The following PLAAT2 variants were observed in gnomAD, a reference collection of about 807,000 sequenced individuals.
PLAAT2 encodes the protein HRAS like suppressor 2.
Under a neutral mutation model 12.8 loss-of-function variants are expected in PLAAT2, and 12 were observed. The ratio of observed to expected loss-of-function variants is 0.94; its 90% CI spans 0.60 to 1.52. The LOEUF (loss-of-function observed/expected upper bound fraction) is 1.52. Ranked by LOEUF, PLAAT2 falls within the 40% of genes most tolerant of loss-of-function variation. The pLI, the probability that PLAAT2 is intolerant of heterozygous loss-of-function variation, is 0.00. For missense variants in PLAAT2, 166 were observed against 208.1 expected, an observed-to-expected ratio of 0.80 and a Z score of 1.24; for synonymous variants, 79 against 86.8, an observed-to-expected ratio of 0.91 and a Z score of 0.50.
intron 1 of PLAAT2, among the ~76,000 whole-genome samples, chr11:63,560,398 G>T (rs956666224): frequency 6.6e-6 from 1 of 152,236 alleles, no homozygotes; most frequent in Non-Finnish European, 1.5e-5. Flanking sequence ...CTCTTCAGGG[G>T]ACAAGGAGGA....
chr11:63,560,346 G>C (rs748431290), intron 1 of PLAAT2, among the ~76,000 whole-genome samples, 153 bp from the exon 2 acceptor site: 7 of 152,030 alleles, frequency 4.6e-5, no homozygotes, highest in Non-Finnish European at 1.0e-4. Flanking sequence ...CACATATGTA[G>C]GAAGCACCTT....
At chr11:63,556,801 G>A (rs1204052891) in intron 3 of PLAAT2, among the ~76,000 whole-genome samples, 2 of 152,194 alleles carry the variant, frequency 1.3e-5, no homozygotes, top group Non-Finnish European at 2.9e-5. Context: ...ACCAGTAAGG[G>A]AGGATTCAAG....
At chr11:63,555,589 G>A (rs2017459718) in intron 3 of PLAAT2, among the ~76,000 whole-genome samples, 1 of 152,282 alleles carries the variant, frequency 6.6e-6, no homozygotes, top group South Asian at 2.1e-4. Flanking sequence ...CTACTCAGGA[G>A]GCTGAGGTGG....
Position 63,552,786 on chromosome 11 carries a change from T to C in PLAAT2, c.*178A>G, listed in dbSNP as rs1463148202. 3.5e-6 allele frequency: 2 copies of C among 579,434 alleles called. No homozygotes were observed. The highest frequency in any genetic ancestry group is 3.7e-5 in the African/African-American group (2 of 53,358). The allele number at this position is 579,434 out of a possible 1,614,324, so 35.9% of individuals were successfully genotyped here. ...CAGTCCATAGCAGAGCCCAATTGTG[T>C]CTTTAATAGAATTCATACTAAGCTG... On this transcript the variant is annotated 3_prime_UTR_variant, in exon 4 of 4. Coordinates refer to ENST00000255695, the MANE Select transcript of PLAAT2 (RefSeq NM_017878.2).
Position 63,562,439 on chromosome 11 carries a change from G to A in PLAAT2, c.9+877C>T, listed in dbSNP as rs576593240. 2.0e-5 allele frequency among the ~76,000 whole-genome samples: 3 copies of A among 152,218 alleles called. No individual in the cohort carries two copies. In the East Asian group the frequency reaches 5.8e-4, roughly 29 times the overall value. On this transcript the variant is annotated intron_variant, in intron 1 of 3. Coordinates refer to ENST00000255695, the MANE Select transcript of PLAAT2 (RefSeq NM_017878.2). Reference sequence around the variant, plus strand: ...AATTTTAATATTTTTTGTAGGGATGGGATCTCACTATGTTGCCCAGGCTAG... The same window carrying A: ...AATTTTAATATTTTTTGTAGGGATGAGATCTCACTATGTTGCCCAGGCTAG...
chr11:63,561,820 G>C (rs914319705), intron 1 of PLAAT2, among the ~76,000 whole-genome samples: 2 of 151,746 alleles, frequency 1.3e-5, no homozygotes, highest in African/African-American at 4.8e-5. Context: ...CCTTTGACTA[G>C]AGGGGTCAAG....
intron 1 of PLAAT2, 124 bp from the exon 2 acceptor site, chr11:63,560,317 G>A: frequency 1.5e-6 from 1 of 662,214 alleles, no homozygotes; most frequent in South Asian, 1.9e-5. Flanking sequence ...GCAGGAAACA[G>A]GAAGGAGGGA....
chr11:63,553,466 C>A (rs1046654158), intron 3 of PLAAT2, among the ~76,000 whole-genome samples: 3 of 151,312 alleles, frequency 2.0e-5, no homozygotes, highest in African/African-American at 7.3e-5. Context: ...ATGGTGAGAC[C>A]CCCATCTCTA....
At chr11:63,561,019 T>C (rs921169514) in intron 1 of PLAAT2, among the ~76,000 whole-genome samples, 2 of 152,146 alleles carry the variant, frequency 1.3e-5, no homozygotes, top group Admixed American at 6.5e-5. Flanking sequence ...CTGTTTCCGG[T>C]ATGCTCTGGT....
rs199657668 is a variant in PLAAT2, at chr11:63,558,522, G to A, written c.257C>T (p.Pro86Leu). The A allele has an allele frequency of 3.7e-6, 6 of 1,614,230 alleles. No homozygotes were observed. In the Admixed American group the frequency reaches 1.0e-4, roughly 27 times the overall value. ...CTTGACGATTTTGTTGGAAGGCAGT[G>A]GTGTGTATCTGTCATCGTGCTTGTT... ...VNNKHDDRYT[P>L]LPSNKIVKRA... The change falls in exon 3 of 4, where the codon CCA becomes CTA. Residue 86 changes from proline (P) to leucine (L), a missense_variant. Pro to Leu is a moderately conservative substitution (Grantham distance 98, BLOSUM62 -3). Transcript: ENST00000255695.
intron 1 of PLAAT2, among the ~76,000 whole-genome samples, chr11:63,561,974 A>T (rs2134374974): frequency 6.6e-6 from 1 of 152,344 alleles, no homozygotes; most frequent in Admixed American, 6.5e-5. Context: ...TCTTTGGAGG[A>T]TGGAAAAGAA....
At position 63,558,415 on chromosome 11, in the gene PLAAT2, A is replaced by G; in HGVS notation, c.364T>C (p.Tyr122His). 6.2e-7 allele frequency: 1 copy of G among 1,614,214 alleles called. No homozygotes were observed. The highest frequency in any genetic ancestry group is 8.5e-7 in the Non-Finnish European group (1 of 1,180,038). Residue 122 changes from tyrosine to histidine, a missense_variant, in exon 3 of 4, where the codon TAT becomes CAT. Transcript: ENST00000255695. ...ACCTGGTCACTGCGGGAGACGCCAT[A>G]GCGCAGATGGTTCACGAAGTGCTCG... ...NCEHFVNHLR[Y>H]GVSRSDQVTG...
Position 63,560,017 on chromosome 11 carries a change from A to G in PLAAT2, c.118+68T>C. 3.7e-6 allele frequency: 4 copies of G among 1,073,816 alleles called. No individual in the cohort carries two copies. The South Asian group carries it at 4.1e-5, about 11-fold the overall frequency. The allele number at this position is 1,073,816 out of a possible 1,614,324, so 66.5% of individuals were successfully genotyped here. On this transcript the variant is annotated intron_variant, in intron 2 of 3. Transcript: ENST00000255695. ...GCTAGACCCTGAAGTGAGGACAAGC[A>G]CGTAACTGTGCATCTCTTCACATTC...
chr11:63,558,439 C>A lies in PLAAT2; in HGVS notation c.340G>T (p.Glu114Ter). Residue 114 changes from glutamate (E) to a stop codon, truncating the protein, a stop_gained, in exon 3 of 4, where the codon GAG becomes TAG. Transcript: ENST00000255695. LOFTEE classifies it low-confidence loss of function (END_TRUNC). The part of the protein sequence containing the change: ...LPYSLTSDNC[E>*]HFVNHLRYGV... ...TAGCGCAGATGGTTCACGAAGTGCT[C>A]GCAGTTGTCACTGGTCAGCGAATAA... 1 of 1,614,182 alleles carries A rather than the reference C, an allele frequency of 6.2e-7. No homozygotes were observed. Among genetic ancestry groups the A allele is most frequent in the Non-Finnish European group, 8.5e-7 (1 of 1,180,044 alleles).
intron 2 of PLAAT2, among the ~76,000 whole-genome samples, chr11:63,559,779 C>T (rs567169830): frequency 1.1e-4 from 17 of 152,206 alleles, no homozygotes; most frequent in African/African-American, 4.1e-4. Flanking sequence ...GCTTCTTACT[C>T]TTGCTTGTAC....
Position 63,561,772 on chromosome 11 carries a change from T to C in PLAAT2, c.9+1544A>G, listed in dbSNP as rs376331735. On this transcript the variant is annotated intron_variant, in intron 1 of 3. Coordinates refer to ENST00000255695, the MANE Select transcript of PLAAT2 (RefSeq NM_017878.2). ...AATTTATGTAACCAAATACCACATG[T>C]TCCCCCCCAGAACCTCGAAATTTAA... is the stretch of plus-strand genomic sequence containing the variant. 5.5e-4 allele frequency among the ~76,000 whole-genome samples: 83 copies of C among 151,764 alleles called. 1 individual carries two copies. In the South Asian group the frequency reaches 0.017, roughly 31 times the overall value.
chr11:63,556,079 CTATT>C (rs1341116623), intron 3 of PLAAT2, among the ~76,000 whole-genome samples: 1 of 152,170 alleles, frequency 6.6e-6, no homozygotes, highest in African/African-American at 2.4e-5. Context: ...GCTTGGTCAT[CTATT>C]AGAGCAGGGG....
intron 2 of PLAAT2, 32 bp downstream of exon 2, chr11:63,560,053 C>G: frequency 7.0e-7 from 1 of 1,438,830 alleles, no homozygotes; most frequent in African/African-American, 1.4e-5. Flanking sequence ...TTGATCTTAA[C>G]CCTTGTGCTT....
intron 3 of PLAAT2, among the ~76,000 whole-genome samples, chr11:63,556,645 G>C (rs2017469192): frequency 6.6e-6 from 1 of 152,052 alleles, no homozygotes; most frequent in African/African-American, 2.4e-5. Context: ...CTCCCTCCTG[G>C]GGTACTTGTT....
Sources: gnomAD v4.1 joint callset for allele counts (sites outside exome capture counted in the v4.1 genomes callset) on GRCh38, gnomAD v4.1.1 for gene constraint, MANE v1.5 for transcripts, NCBI Gene and HGNC (gene_info 2026-07-23, HGNC 2026-07-21) for gene names.